SFMBT1: variants seen among roughly 807,000 people sequenced by gnomAD.
SFMBT1 encodes Scm like with four mbt domains 1.
SFMBT1 carries 32 observed loss-of-function variants against 108.7 expected under a neutral mutation model. The ratio of observed to expected loss-of-function variants is 0.29; its 90% CI spans 0.22 to 0.40. The LOEUF is 0.40. Among genes scored for constraint, SFMBT1 ranks in the 10% least tolerant of loss-of-function variants. SFMBT1 has a pLI of 1.00. For missense variants in SFMBT1, 816 were observed against 1,059.6 expected (o/e 0.77, Z 3.19); for synonymous variants, 348 against 369.5 (o/e 0.94, Z 0.67).
At chr3:52,998,740 T>C (rs1698430527) in intron 1 of SFMBT1, among the ~76,000 whole-genome samples, 1 of 150,714 alleles carries the variant, frequency 6.6e-6, no homozygotes, top group South Asian at 2.1e-4. Flanking sequence ...TCCCGGGTCC[T>C]GTGGGCGTAT....
chr3:52,946,361 T>C (rs915013397), intron 3 of SFMBT1, among the ~76,000 whole-genome samples: 10 of 152,274 alleles, frequency 6.6e-5, no homozygotes, highest in African/African-American at 2.4e-4. Flanking sequence ...CGCTAGTCAC[T>C]ACCTGTTCTA....
rs1324131044 is a variant in SFMBT1 at position 52,904,480 on chromosome 3, A to G, written c.*656T>C. The G allele has an allele frequency of 1.3e-5, 2 of 152,516 alleles. No homozygotes were observed. The highest frequency in any genetic ancestry group is 2.4e-5 in the African/African-American group (1 of 41,442). 9.4% of individuals were successfully genotyped at this position (152,516 alleles called of 1,614,324 possible). ...AGTGTTTATGTAGCTTAAAAATGGC[A>G]TCATACAAAAAACCTCATACATGGC... On this transcript the variant is annotated 3_prime_UTR_variant, in exon 21 of 21. Coordinates refer to ENST00000394752, the MANE Select transcript of SFMBT1 (RefSeq NM_016329.4).
At chr3:52,983,881 G>C (rs1035859493) in intron 1 of SFMBT1, among the ~76,000 whole-genome samples, 1 of 152,210 alleles carries the variant, frequency 6.6e-6, no homozygotes, top group Non-Finnish European at 1.5e-5. Context: ...ATTCTGAGCA[G>C]AGGAGGAACA....
intron 1 of SFMBT1, among the ~76,000 whole-genome samples, chr3:52,983,612 T>C (rs1207817275): frequency 2.0e-5 from 3 of 152,138 alleles, no homozygotes; most frequent in African/African-American, 7.2e-5. Context: ...AGTGTTGAGG[T>C]AACACAAAAC....
intron 2 of SFMBT1, among the ~76,000 whole-genome samples, chr3:52,968,814 C>T (rs1211656437): frequency 2.0e-5 from 3 of 152,016 alleles, no homozygotes; most frequent in Non-Finnish European, 4.4e-5. Context: ...AGGATGGTCT[C>T]GATCTCCTGA....
chr3:52,928,653 TAC>T (rs56180614), intron 8 of SFMBT1, among the ~76,000 whole-genome samples: 58 of 18,004 alleles, frequency 3.2e-3, no homozygotes, highest in African/African-American at 5.1e-3. Flanking sequence ...TATATATATA[TAC>T]ACATATATAC....
At chr3:52,938,845 T>C (rs1703100726) in intron 4 of SFMBT1, among the ~76,000 whole-genome samples, 1 of 152,236 alleles carries the variant, frequency 6.6e-6, no homozygotes, top group Non-Finnish European at 1.5e-5. Flanking sequence ...CCCATGCTAA[T>C]GTTACCTCAT....
chr3:52,998,071 T>C (rs1355209184), intron 1 of SFMBT1, among the ~76,000 whole-genome samples: 2 of 150,714 alleles, frequency 1.3e-5, no homozygotes, highest in East Asian at 3.9e-4. Flanking sequence ...AATTACAGCA[T>C]GTATAACAAT....
chr3:53,011,698 T>G (rs1698950317), intron 1 of SFMBT1, among the ~76,000 whole-genome samples: 1 of 151,928 alleles, frequency 6.6e-6, no homozygotes, highest in African/African-American at 2.4e-5. Context: ...AAAAGGAAAA[T>G]AAATACTGGT....
chr3:52,951,967 A>G (rs182117413), intron 3 of SFMBT1, among the ~76,000 whole-genome samples: 31 of 152,376 alleles, frequency 2.0e-4, no homozygotes, highest in Admixed American at 1.6e-3. Context: ...CTTATCTGAA[A>G]TATGTAATTC....
chr3:52,966,171 G>A (rs571522556), intron 2 of SFMBT1, among the ~76,000 whole-genome samples: 1 of 145,868 alleles, frequency 6.9e-6, no homozygotes, highest in Non-Finnish European at 1.5e-5. Flanking sequence ...CAAAAAATTT[G>A]CCGGGCGTGG....
intron 6 of SFMBT1, among the ~76,000 whole-genome samples, chr3:52,931,452 T>C (rs1375275656): frequency 6.6e-6 from 1 of 152,196 alleles, no homozygotes; most frequent in African/African-American, 2.4e-5. Context: ...ATTTTTTATT[T>C]TATCTTGGTC....
chr3:52,921,715 G>C lies in SFMBT1; in HGVS notation c.1248C>G (p.Leu416=). 1 of 1,614,062 alleles carries C rather than the reference G, an allele frequency of 6.2e-7. No homozygotes were observed. The highest frequency in any genetic ancestry group is 8.5e-7 in the Non-Finnish European group (1 of 1,180,000). The change falls in exon 11 of 21, where the codon CTC becomes CTG. Residue 416 remains leucine (L), a synonymous_variant. Transcript: ENST00000394752. Reference sequence around the variant, plus strand: ...AGTGCTGGCACTCACCCTCCAGCTGGAGCCACAGGTAGGAGCCTCTCACTG... The same window carrying C: ...AGTGCTGGCACTCACCCTCCAGCTGCAGCCACAGGTAGGAGCCTCTCACTG... ...ITAVRGSYLW[L]QLEGSKKPIP...
chr3:53,045,960 C>G lies in SFMBT1; in HGVS notation c.-275G>C, dbSNP rs1465320374. 6.6e-6 allele frequency: 1 copy of G among 151,290 alleles called. No individual in the cohort carries two copies. The highest frequency in any genetic ancestry group is 2.4e-5 in the African/African-American group (1 of 41,280). 9.4% of individuals were successfully genotyped at this position (151,290 alleles called of 1,614,324 possible). On this transcript the variant is annotated 5_prime_UTR_variant, in exon 1 of 21. Transcript: ENST00000394752. ...CTGCCCGCGCTCGCCCGCTCGCGCC[C>G]TCCTTCCTGCTGGGTTCGGCGGAGC...
chr3:52,997,627 T>C (rs952691129), intron 1 of SFMBT1, among the ~76,000 whole-genome samples: 1 of 150,540 alleles, frequency 6.6e-6, no homozygotes, highest in African/African-American at 2.4e-5. Context: ...CTTCATGCTA[T>C]ATGAAACATG....
Position 52,907,265 on chromosome 3 carries a change from GA to G in SFMBT1, c.2134del (p.Ser712ProfsTer2). ...CTCGGATGTACTGCCTTCACTTAGG[GA>G]ATCATCATCCCCTTCATCTGGGTCA... ...EDDPDEGDDD[S>X]LSEGSTSEQQ... On this transcript the variant is annotated frameshift_variant, in exon 19 of 21. Coordinates refer to ENST00000394752, the MANE Select transcript of SFMBT1 (RefSeq NM_016329.4). LOFTEE classifies it high-confidence loss of function. The G allele has an allele frequency of 6.2e-7, 1 of 1,613,938 alleles. No homozygotes were observed. Among genetic ancestry groups the G allele is most frequent in the Non-Finnish European group, 8.5e-7 (1 of 1,180,008 alleles).
intron 1 of SFMBT1, among the ~76,000 whole-genome samples, chr3:52,984,587 AT>A (rs1704836256): frequency 6.6e-6 from 1 of 152,134 alleles, no homozygotes; most frequent in Admixed American, 6.6e-5. Flanking sequence ...TCAATGACAA[AT>A]TTTCTAGCTT....
rs1329495703 is a variant in SFMBT1, at chr3:52,934,801, A to T, written c.453+12T>A. 1.9e-6 allele frequency: 3 copies of T among 1,605,626 alleles called. No individual in the cohort carries two copies. On this transcript the variant is annotated intron_variant, in intron 5 of 20. Transcript: ENST00000394752. ...GGTTTTCCATGCTGATGTGGCATGT[A>T]GTAATACTCACGCCCTCTAGCAGCG...
intron 9 of SFMBT1, among the ~76,000 whole-genome samples, chr3:52,927,941 G>A (rs926831983): frequency 6.6e-6 from 1 of 152,166 alleles, no homozygotes; most frequent in Non-Finnish European, 1.5e-5. Context: ...AGGGGGTTAT[G>A]AGGACATAGA....
Sources: gnomAD v4.1 joint callset for allele counts (sites outside exome capture counted in the v4.1 genomes callset) on GRCh38, gnomAD v4.1.1 for gene constraint, MANE v1.5 for transcripts, NCBI Gene and HGNC (gene_info 2026-07-23, HGNC 2026-07-21) for gene names.